SLC17A1: variants seen among roughly 807,000 people sequenced by gnomAD.
SLC17A1 encodes solute carrier family 17 member 1.
In SLC17A1, 51 loss-of-function variants were observed where a neutral mutation model predicts 53.5. The observed-to-expected ratio is 0.95, with a 90% confidence interval of 0.76 to 1.20. The LOEUF is 1.20. Ranked by LOEUF, SLC17A1 falls within the 50% of genes most tolerant of loss-of-function variation. SLC17A1 has a pLI of 0.00. For synonymous variants in SLC17A1, 179 were observed against 198.8 expected (o/e 0.90, Z 0.84); for missense variants, 538 against 568.2 (o/e 0.95, Z 0.54).
chr6:25,764,032 C>T, the SLC17A1 span, among the ~76,000 whole-genome samples: 1 of 152,152 alleles, frequency 6.6e-6, no homozygotes, highest in Non-Finnish European at 1.5e-5. Flanking sequence ...ATGACACTGC[C>T]AATGATCCCA....
intron 3 of SLC17A1, among the ~76,000 whole-genome samples, chr6:25,824,075 G>A (rs911161982): frequency 3.6e-4 from 54 of 152,012 alleles, no homozygotes; most frequent in African/African-American, 1.2e-3. Flanking sequence ...AATGCAACAT[G>A]TACAAAAAGT....
At chr6:25,811,855 T>C (rs1764170862) in intron 8 of SLC17A1, 85 bp from the exon 9 acceptor site, 6 of 1,412,462 alleles carry the variant, frequency 4.2e-6, no homozygotes, top group Non-Finnish European at 5.9e-6. Context: ...TAAAATTTAT[T>C]ATCTAAAATG....
the SLC17A1 span, among the ~76,000 whole-genome samples, chr6:25,724,019 A>T: frequency 6.6e-6 from 1 of 152,364 alleles, no homozygotes; most frequent in Admixed American, 6.5e-5. Flanking sequence ...TCTGTAAAAC[A>T]TCGTCAATCA....
intron 2 of SLC17A1, among the ~76,000 whole-genome samples, chr6:25,827,450 T>A (rs959426181): frequency 1.3e-5 from 2 of 152,112 alleles, no homozygotes; most frequent in Admixed American, 6.5e-5. Context: ...AACAAAAACA[T>A]GTTCAGTTAA....
chr6:25,733,782 C>CTG, the SLC17A1 span, among the ~76,000 whole-genome samples: 5,764 of 144,480 alleles, frequency 0.04, 219 homozygotes, highest in African/African-American at 0.1. Context: ...AAGCCTAATA[C>CTG]TGTGTGTGTG....
chr6:25,780,407 C>A (rs1274053123), downstream of SLC17A1: 2 of 152,118 alleles, frequency 1.3e-5, no homozygotes, highest in Non-Finnish European at 2.9e-5. Context: ...GGAAGGGCCA[C>A]CCCTGCAAAG....
At chr6:25,756,037 A>G in the SLC17A1 span, among the ~76,000 whole-genome samples, 8 of 152,172 alleles carry the variant, frequency 5.3e-5, no homozygotes, top group Admixed American at 2.0e-4. Context: ...CAACACTTGT[A>G]CAGGTGAAGA....
chr6:25,796,221 T>A (rs916530679), intron 12 of SLC17A1, among the ~76,000 whole-genome samples: 1 of 152,208 alleles, frequency 6.6e-6, no homozygotes, highest in Non-Finnish European at 1.5e-5. Flanking sequence ...ATTTTTAAAC[T>A]GCTGGTTATA....
Position 25,813,145 on chromosome 6 carries a change from A to G in SLC17A1, c.685T>C (p.Cys229Arg). The change falls in exon 7 of 13, where the codon TGT (cysteine) becomes CGT (arginine). Residue 229 changes from cysteine to arginine, a missense_variant. Transcript: ENST00000244527. ...TATTCCTTTTCACTGATGCTTATAC[A>G]TGGGTGGTCTTTGGGGTCATCATAA... ...LFYDDPKDHP[C>R]ISISEKEYIT... 1 of 1,614,188 alleles carries G rather than the reference A, an allele frequency of 6.2e-7. No individual in the cohort carries two copies. The highest frequency in any genetic ancestry group is 8.5e-7 in the Non-Finnish European group (1 of 1,180,018).
At chr6:25,824,358 T>C (rs988647383) in intron 3 of SLC17A1, among the ~76,000 whole-genome samples, 1 of 151,828 alleles carries the variant, frequency 6.6e-6, no homozygotes, top group African/African-American at 2.4e-5. Context: ...TGTGGTACAA[T>C]TTTTAAAAAT....
chr6:25,822,090 C>T (rs901537827), intron 3 of SLC17A1, among the ~76,000 whole-genome samples: 10 of 152,276 alleles, frequency 6.6e-5, no homozygotes, highest in African/African-American at 2.4e-4. Context: ...ATGACACAAT[C>T]TCCTTGACTT....
chr6:25,732,222 A>G, the SLC17A1 span: 8 of 336,326 alleles, frequency 2.4e-5, no homozygotes, highest in Admixed American at 8.3e-5. Flanking sequence ...GTGAAGCGTG[A>G]TATTTATAGG....
At chr6:25,739,332 A>G in the SLC17A1 span, among the ~76,000 whole-genome samples, 81 of 151,980 alleles carry the variant, frequency 5.3e-4, no homozygotes, top group Middle Eastern at 3.4e-3. Flanking sequence ...AGGGCTCTAC[A>G]CTTATGACAT....
chr6:25,761,576 C>T, the SLC17A1 span, among the ~76,000 whole-genome samples: 1 of 152,272 alleles, frequency 6.6e-6, no homozygotes, highest in Admixed American at 6.5e-5. Context: ...CCACTGGAAT[C>T]TCCTAGATGA....
chr6:25,771,997 C>T, the SLC17A1 span, among the ~76,000 whole-genome samples: 1 of 152,090 alleles, frequency 6.6e-6, no homozygotes, highest in South Asian at 2.1e-4. Flanking sequence ...AATCGCACCC[C>T]TAAATTGTTT....
intron 3 of SLC17A1, among the ~76,000 whole-genome samples, chr6:25,820,575 C>T (rs1764517382): frequency 6.6e-6 from 1 of 152,080 alleles, no homozygotes; most frequent in Non-Finnish European, 1.5e-5. Context: ...TCTATTGTTT[C>T]TTTTTACATT....
the SLC17A1 span, among the ~76,000 whole-genome samples, chr6:25,768,035 T>C: frequency 6.6e-6 from 1 of 152,186 alleles, no homozygotes; most frequent in Non-Finnish European, 1.5e-5. Context: ...AGGTATCTCT[T>C]CTTGACTAGA....
chr6:25,801,072 G>A (rs2151481553), intron 10 of SLC17A1, 92 bp from the exon 11 acceptor site: 1 of 739,280 alleles, frequency 1.4e-6, no homozygotes, highest in Non-Finnish European at 2.3e-6. Flanking sequence ...AGAGATAATT[G>A]CTCATTTTGC....
At chr6:25,764,247 T>C in the SLC17A1 span, among the ~76,000 whole-genome samples, 18 of 152,158 alleles carry the variant, frequency 1.2e-4, no homozygotes, top group African/African-American at 4.3e-4. Context: ...GATTGTAGCT[T>C]CCAGATATTT....
Sources: allele counts gnomAD v4.1 joint callset (sites outside exome capture counted in the v4.1 genomes callset), GRCh38; gene constraint gnomAD v4.1.1; transcripts MANE v1.5; gene names NCBI Gene and HGNC (gene_info 2026-07-23, HGNC 2026-07-21).